AZIN1: variants seen among roughly 807,000 people sequenced by gnomAD.
The protein encoded by AZIN1 is antizyme inhibitor 1.
AZIN1 carries 12 observed loss-of-function variants against 47.4 expected under a neutral mutation model. That is an observed-to-expected ratio of 0.25 (90% CI 0.16 to 0.41). The LOEUF (loss-of-function observed/expected upper bound fraction) is 0.41. Ranked by LOEUF, AZIN1 falls within the 10% of genes least tolerant of loss-of-function variation. The probability of loss-of-function intolerance (pLI) is 1.00; values close to 1 mark genes in which losing one functional copy is unlikely to be tolerated. For synonymous variants in AZIN1, 155 were observed against 176.3 expected, an observed-to-expected ratio of 0.88 and a Z score of 0.96; for missense variants, 410 against 532.4, an observed-to-expected ratio of 0.77 and a Z score of 2.26.
intron 2 of AZIN1, among the ~76,000 whole-genome samples, chr8:102,844,055 G>C (rs1275179471): frequency 6.6e-6 from 1 of 152,102 alleles, no homozygotes; most frequent in African/African-American, 2.4e-5. Context: ...ATCTTGTTTT[G>C]CGTTCCTATA....
At chr8:102,834,833 T>C in intron 6 of AZIN1, 86 bp from the exon 7 acceptor site, 1 of 845,970 alleles carries the variant, frequency 1.2e-6, no homozygotes, top group Non-Finnish European at 1.9e-6. Flanking sequence ...ACTCATCATA[T>C]TCATACCATT....
At position 102,829,364 on chromosome 8, in the gene AZIN1, A is replaced by G. The variant is rs780126885; in HGVS notation, c.1143T>C (p.Phe381=). Residue 381 remains phenylalanine, a synonymous_variant, in exon 11 of 12, where the codon TTT becomes TTC. Coordinates refer to ENST00000337198, the MANE Select transcript of AZIN1 (RefSeq NM_148174.4). ...GGAAAGAATCTGCTCCCATGTTATC[A>G]AAGATAAGCCAATCTCCCACATTCA... ...PELNVGDWLI[F]DNMGADSFHE... The G allele has an allele frequency of 6.8e-5, 109 of 1,613,970 alleles. No homozygotes were observed. The highest frequency in any genetic ancestry group is 3.6e-5 in the Non-Finnish European group (43 of 1,179,956).
chr8:102,863,416 G>A (rs1213655587), intron 1 of AZIN1, among the ~76,000 whole-genome samples: 1 of 151,820 alleles, frequency 6.6e-6, no homozygotes, highest in African/African-American at 2.4e-5. Flanking sequence ...CCTCAGGGCT[G>A]CGGCCGGGCC....
intron 2 of AZIN1, among the ~76,000 whole-genome samples, chr8:102,847,082 G>A (rs900467826): frequency 6.6e-6 from 1 of 152,136 alleles, no homozygotes; most frequent in Non-Finnish European, 1.5e-5. Context: ...TAACAGCAGA[G>A]TTGTTAACCA....
chr8:102,860,374 T>C (rs1235325897), intron 1 of AZIN1, among the ~76,000 whole-genome samples: 3 of 152,232 alleles, frequency 2.0e-5, no homozygotes, highest in Admixed American at 6.5e-5. Flanking sequence ...GCAATTCTCC[T>C]GCCTCAGCCT....
At position 102,844,344 on chromosome 8, in the gene AZIN1, T is replaced by TA. The variant is rs34491786; in HGVS notation, c.-95-598dup. Among the ~76,000 whole-genome samples, 218 of 144,274 alleles carry TA rather than the reference T, an allele frequency of 1.5e-3. 2 individuals carry two copies. The highest frequency in any genetic ancestry group is 7.3e-3 in the Admixed American group (107 of 14,576). 94.6% of individuals were successfully genotyped at this position (144,274 alleles called of 152,430 possible). A position where few individuals can be genotyped will look rare whatever the true frequency, so the allele number is the denominator to read the frequency against. The stretch of plus-strand genomic sequence containing the variant: ...CAACATAGCAAGACTCCGTCTCTCC[T>TA]AAAAAAAAAAAAAAAATTCCCAAAT... On this transcript the variant is annotated intron_variant, in intron 2 of 11. Coordinates refer to ENST00000337198, the MANE Select transcript of AZIN1 (RefSeq NM_148174.4).
At position 102,829,205 on chromosome 8, in the gene AZIN1, A is replaced by T. The variant is rs1481550954; in HGVS notation, c.1235+67T>A. The T allele has an allele frequency of 2.2e-6, 3 of 1,361,704 alleles. No individual in the cohort carries two copies. In the East Asian group the frequency reaches 6.9e-5, roughly 31 times the overall value. 84.4% of individuals were successfully genotyped at this position (1,361,704 alleles called of 1,614,324 possible). ...AAGTTTAGCATTCATTACAGAATTAAAACTTATTAGCAAGTCTAAAAGGAC... is the reference window on the plus strand; with the variant it reads ...AAGTTTAGCATTCATTACAGAATTATAACTTATTAGCAAGTCTAAAAGGAC... On this transcript the variant is annotated intron_variant, in intron 11 of 11. Transcript: ENST00000337198.
intron 5 of AZIN1, among the ~76,000 whole-genome samples, chr8:102,836,730 T>C (rs957067437): frequency 1.3e-5 from 2 of 152,184 alleles, no homozygotes; most frequent in African/African-American, 4.8e-5. Flanking sequence ...CTAAATTGAA[T>C]AGCAATGCCA....
At chr8:102,835,161 GAAAT>G (rs1213286430) in intron 6 of AZIN1, 1 of 159,650 alleles carries the variant, frequency 6.3e-6, no homozygotes, top group African/African-American at 2.4e-5. Flanking sequence ...TGTCTGTTGT[GAAAT>G]AAATAAAAAT....
chr8:102,840,301 A>G (rs150326639), intron 3 of AZIN1, among the ~76,000 whole-genome samples: 2 of 152,336 alleles, frequency 1.3e-5, no homozygotes, highest in East Asian at 1.9e-4. Context: ...CCTTAAGACA[A>G]CATGGTAAAA....
intron 3 of AZIN1, 31 bp from the exon 4 acceptor site, chr8:102,839,854 T>A: frequency 1.3e-6 from 2 of 1,507,550 alleles, no homozygotes; most frequent in Admixed American, 2.1e-5. Flanking sequence ...AAGACAAATA[T>A]GAACAAAAAA....
chr8:102,857,540 CTATATTTTAATACCATACA>C (rs1813369388), intron 2 of AZIN1, among the ~76,000 whole-genome samples: 1 of 151,876 alleles, frequency 6.6e-6, no homozygotes. Flanking sequence ...TGTTAAATAT[CTATATTTTAATACCATACA>C]TATATTTTAA....
At chr8:102,834,922 G>A (rs539689983) in intron 6 of AZIN1, 175 bp from the exon 7 acceptor site, 1 of 537,408 alleles carries the variant, frequency 1.9e-6, no homozygotes, top group South Asian at 2.7e-5. Flanking sequence ...TACAGTACCA[G>A]CTTTATAGAA....
intron 2 of AZIN1, among the ~76,000 whole-genome samples, chr8:102,854,918 T>C (rs1357571477): frequency 6.6e-6 from 1 of 152,154 alleles, no homozygotes; most frequent in Non-Finnish European, 1.5e-5. Flanking sequence ...CTGGATCCAC[T>C]ATGAGAAGCA....
At chr8:102,837,134 G>A (rs1379816100) in intron 5 of AZIN1, among the ~76,000 whole-genome samples, 2 of 152,192 alleles carry the variant, frequency 1.3e-5, no homozygotes, top group East Asian at 3.9e-4. Context: ...TGGCCAGGCT[G>A]GTCTCAAACT....
At chr8:102,838,424 C>T (rs1346738213) in intron 5 of AZIN1, among the ~76,000 whole-genome samples, 2 of 152,112 alleles carry the variant, frequency 1.3e-5, no homozygotes, top group Admixed American at 6.5e-5. Flanking sequence ...TATCAAACAT[C>T]AAACAAAGTT....
At chr8:102,852,919 G>A (rs1229343543) in intron 2 of AZIN1, among the ~76,000 whole-genome samples, 1 of 152,146 alleles carries the variant, frequency 6.6e-6, no homozygotes, top group African/African-American at 2.4e-5. Context: ...AGTCTCCTTA[G>A]GCTTATCTGA....
rs1813959982 is a variant in AZIN1, at chr8:102,864,148, C to G, written c.-575G>C. On this transcript the variant is annotated 5_prime_UTR_variant, in exon 1 of 12. Coordinates refer to ENST00000337198, the MANE Select transcript of AZIN1 (RefSeq NM_148174.4). ...AAAAAGGAAAAACTGCGGCCGCGATCAGAGCCTGAAAGTGTGAGAAGGCGG... is the reference window on the plus strand; with the variant it reads ...AAAAAGGAAAAACTGCGGCCGCGATGAGAGCCTGAAAGTGTGAGAAGGCGG... The G allele has an allele frequency of 5.8e-6, 1 of 172,382 alleles. No individual in the cohort carries two copies. The highest frequency in any genetic ancestry group is 2.4e-5 in the African/African-American group (1 of 41,562). The allele number at this position is 172,382 out of a possible 1,614,324, so 10.7% of individuals were successfully genotyped here.
intron 5 of AZIN1, 122 bp from the exon 6 acceptor site, chr8:102,836,512 T>C: frequency 9.6e-7 from 1 of 1,038,622 alleles, no homozygotes; most frequent in South Asian, 1.5e-5. Flanking sequence ...CAGCGACGGA[T>C]GAATCAAGTG....
Sources: gnomAD v4.1 joint callset for allele counts (sites outside exome capture counted in the v4.1 genomes callset) on GRCh38, gnomAD v4.1.1 for gene constraint, MANE v1.5 for transcripts, NCBI Gene and HGNC (gene_info 2026-07-23, HGNC 2026-07-21) for gene names.